SPIRE2: variants seen among roughly 807,000 people sequenced by gnomAD.
SPIRE2 encodes the protein protein spire homolog 2.
Under a neutral mutation model 80.7 loss-of-function variants are expected in SPIRE2, and 76 were observed. The observed-to-expected ratio is 0.94, with a 90% CI of 0.78 to 1.14. The LOEUF is 1.14. SPIRE2 is among the 50% of genes most tolerant of loss of function. The pLI is 0.00. For missense variants in SPIRE2, 1,196 were observed against 1,015.3 expected (o/e 1.18, Z -2.42); for synonymous variants, 535 against 432.6 (o/e 1.24, Z -2.94).
intron 1 of SPIRE2, among the ~76,000 whole-genome samples, chr16:89,841,371 G>C (rs959682947): frequency 1.3e-5 from 2 of 152,096 alleles, no homozygotes; most frequent in Admixed American, 6.6e-5. Flanking sequence ...TACTGCCTCC[G>C]TCTGCTCTAC....
chr16:89,843,680 TGTTTGTTTTTGTTTTTTG>T (rs1567671335), intron 1 of SPIRE2, among the ~76,000 whole-genome samples: 51 of 22,776 alleles, frequency 2.2e-3, no homozygotes, highest in Non-Finnish European at 2.8e-3. Flanking sequence ...TTTTTTTTTT[TGTTTGTTTTTGTTTTTTG>T]TTTTTTTTTT....
Position 89,840,523 on chromosome 16 carries a change from C to T in SPIRE2, c.245-4799C>T, listed in dbSNP as rs527928994. The stretch of plus-strand genomic sequence containing the variant: ...CTCGGCCTCCCAAAGTGCTGGATTA[C>T]AGGCATGAGCCACCATGTCTGGCCC... On this transcript the variant is annotated intron_variant, in intron 1 of 14. Transcript: ENST00000378247. Among the ~76,000 whole-genome samples the T allele has an allele frequency of 2.7e-3, 401 of 151,146 alleles. 3 individuals are homozygous for T. The highest frequency in any genetic ancestry group is 9.3e-3 in the African/African-American group (382 of 41,100).
At chr16:89,864,910 T>C (rs528535220) in intron 12 of SPIRE2, among the ~76,000 whole-genome samples, 10 of 152,268 alleles carry the variant, frequency 6.6e-5, no homozygotes, top group Middle Eastern at 3.4e-3. Context: ...TTACAATGTA[T>C]TGTGGGTTTT....
intron 1 of SPIRE2, among the ~76,000 whole-genome samples, chr16:89,836,059 C>T (rs1472373512): frequency 6.6e-6 from 1 of 152,078 alleles, no homozygotes; most frequent in Non-Finnish European, 1.5e-5. Flanking sequence ...TCTGTAGTCC[C>T]AGTTGTTTAG....
At chr16:89,832,794 C>T (rs1041687332) in intron 1 of SPIRE2, among the ~76,000 whole-genome samples, 8 of 151,884 alleles carry the variant, frequency 5.3e-5, no homozygotes, top group African/African-American at 1.5e-4. Flanking sequence ...CTCTTGTTTG[C>T]TCCTCTGATG....
chr16:89,858,743 G>A, intron 8 of SPIRE2, among the ~76,000 whole-genome samples: 1 of 152,214 alleles, frequency 6.6e-6, no homozygotes, highest in Non-Finnish European at 1.5e-5. Context: ...TCCTCCCACA[G>A]ACGATGGAAG....
At position 89,863,103 on chromosome 16, in the gene SPIRE2, A is replaced by G. The variant is rs1257391874; in HGVS notation, c.1576-373A>G. On this transcript the variant is annotated intron_variant, in intron 10 of 14. Coordinates refer to ENST00000378247, the MANE Select transcript of SPIRE2 (RefSeq NM_032451.2). This position sits in a 1 kb window ranked among gnomAD's most constrained non-coding sequence, Gnocchi z 4.3. Reference sequence around the variant, plus strand: ...TTGGAGGGTCCTGGACCTTCCAGAAAAGAGGACATCAGCTGCTCAGGGAGG... The same window carrying G: ...TTGGAGGGTCCTGGACCTTCCAGAAGAGAGGACATCAGCTGCTCAGGGAGG... The G allele has an allele frequency of 7.3e-6, 2 of 273,120 alleles. No homozygotes were observed. Among genetic ancestry groups the G allele is most frequent in the Non-Finnish European group, 7.1e-6 (1 of 140,142 alleles). The allele number at this position is 273,120 out of a possible 1,614,324, so 16.9% of individuals were successfully genotyped here.
At chr16:89,856,315 T>C (rs2041691841) in intron 7 of SPIRE2, 79 bp downstream of exon 7, 2 of 1,461,090 alleles carry the variant, frequency 1.4e-6, no homozygotes, top group Non-Finnish European at 9.1e-7. Context: ...AGGTTGCACA[T>C]TGGAAGGTGG....
Position 89,854,374 on chromosome 16 carries a change from T to C in SPIRE2, c.726+8T>C, listed in dbSNP as rs1472534119. On this transcript the variant is annotated splice_region_variant and intron_variant, in intron 4 of 14. Coordinates refer to ENST00000378247, the MANE Select transcript of SPIRE2 (RefSeq NM_032451.2). ...CTGGGTCACACAGACTGGGTAAGGCTCACTCCCACCTGACCGGGCCACTGA... is the reference window on the plus strand; with the variant it reads ...CTGGGTCACACAGACTGGGTAAGGCCCACTCCCACCTGACCGGGCCACTGA... The C allele has an allele frequency of 3.7e-6, 6 of 1,611,976 alleles. No individual in the cohort carries two copies. The African/African-American group carries it at 8.0e-5, about 22-fold the overall frequency.
At chr16:89,849,847 T>G in intron 2 of SPIRE2, 1 of 269,330 alleles carries the variant, frequency 3.7e-6, no homozygotes. Context: ...AAAACTTCTT[T>G]TTTTTTTTGA....
rs996198574 is a variant in SPIRE2, at chr16:89,863,534, G to T, written c.1634G>T (p.Arg545Leu). 2 of 1,613,934 alleles carry T rather than the reference G, an allele frequency of 1.2e-6. No homozygotes were observed. The highest frequency in any genetic ancestry group is 2.7e-5 in the African/African-American group (2 of 74,912). The stretch of plus-strand genomic sequence containing the variant: ...ACTGTGGAAGAGGTGATGGACGTGC[G>T]CCGTGTGCTGGTGAAGGCCGAGATG... ...ALTVEEVMDV[R>L]RVLVKAEMEK... The change falls in exon 11 of 15, where the codon CGC becomes CTC. Residue 545 changes from arginine to leucine, a missense_variant. Arg to Leu is a moderately radical substitution (Grantham distance 102, BLOSUM62 -2). Coordinates refer to ENST00000378247, the MANE Select transcript of SPIRE2 (RefSeq NM_032451.2). The surrounding 1 kb of genome is among the most constrained non-coding windows in gnomAD (Gnocchi z 4.3).
chr16:89,854,784 G>C, intron 5 of SPIRE2, 133 bp downstream of exon 5: 1 of 933,082 alleles, frequency 1.1e-6, no homozygotes, highest in Non-Finnish European at 1.6e-6. Context: ...TCTGTGCTGG[G>C]TACTGGGTCA....
chr16:89,853,986 C>T (rs989844357), intron 3 of SPIRE2, among the ~76,000 whole-genome samples: 1 of 152,246 alleles, frequency 6.6e-6, no homozygotes, highest in Non-Finnish European at 1.5e-5. Context: ...AGCGTAAAGG[C>T]CTGGCTGGGA....
At chr16:89,854,402 C>A (rs747332025) in intron 4 of SPIRE2, 36 bp downstream of exon 4, 11 of 1,610,342 alleles carry the variant, frequency 6.8e-6, no homozygotes, top group Non-Finnish European at 8.5e-6. Context: ...GCCACTGACG[C>A]GGCCCAGCCT....
Position 89,828,989 on chromosome 16 carries a change from C to T in SPIRE2, c.244+195C>T, listed in dbSNP as rs559947206. ...TCTCTCTTTCCTCCCTCCTTCTCTC[C>T]CTCCTTCCTCTCCCTCCCCGGCCCT... On this transcript the variant is annotated intron_variant, in intron 1 of 14. Transcript: ENST00000378247. The surrounding 1 kb of genome is among the most constrained non-coding windows in gnomAD (Gnocchi z 5.9). Among the ~76,000 whole-genome samples, 1 of 152,312 alleles carries T rather than the reference C, an allele frequency of 6.6e-6. No individual in the cohort carries two copies. The highest frequency in any genetic ancestry group is 6.5e-5 in the Admixed American group (1 of 15,298).
Position 89,856,191 on chromosome 16 carries a change from G to T in SPIRE2, c.1057G>T (p.Glu353Ter), listed in dbSNP as rs777732250. 1 of 1,604,940 alleles carries T rather than the reference G, an allele frequency of 6.2e-7. No homozygotes were observed. The highest frequency in any genetic ancestry group is 2.2e-5 in the East Asian group (1 of 44,578). Residue 353 changes from glutamate to a stop codon, truncating the protein, a stop_gained, in exon 7 of 15, where the codon GAG (glutamate) becomes TAG (stop). Transcript: ENST00000378247. LOFTEE classifies it high-confidence loss of function. ...GAAGATCCTGGAGGAGATCAAGCAG[G>T]AGCGGAGGCTGCGCCCGGTGCGGGG... ...HEKILEEIKQ[E>*]RRLRPVRGEG...
chr16:89,860,890 C>A, intron 10 of SPIRE2, 95 bp downstream of exon 10: 1 of 761,916 alleles, frequency 1.3e-6, no homozygotes, highest in Non-Finnish European at 2.0e-6. Context: ...TGGGTCTGAG[C>A]ACCTGTCTGG....
intron 12 of SPIRE2, 115 bp from the exon 13 acceptor site, chr16:89,868,074 G>A (rs951766495): frequency 6.1e-6 from 7 of 1,140,086 alleles, no homozygotes; most frequent in Non-Finnish European, 9.3e-6. Context: ...CCAAGCATCA[G>A]GCAGAAGGCA....
Position 89,854,627 on chromosome 16 carries a change from G to T in SPIRE2, c.867G>T (p.Arg289=), listed in dbSNP as rs1335323868. ...TGCTGATGCAGGACATCCGGGCCCG[G>T]AACTACAAGCTGCGCAAGGTCATGG... ...FEMLMQDIRA[R]NYKLRKVMVD... is the part of the protein sequence containing the mutation. The change falls in exon 5 of 15, where the codon CGG becomes CGT. Residue 289 remains arginine, a synonymous_variant. Coordinates refer to ENST00000378247, the MANE Select transcript of SPIRE2 (RefSeq NM_032451.2). 1 of 1,612,700 alleles carries T rather than the reference G, an allele frequency of 6.2e-7. No individual in the cohort carries two copies.
Sources: allele counts gnomAD v4.1 joint callset (sites outside exome capture counted in the v4.1 genomes callset), GRCh38; gene constraint gnomAD v4.1.1; non-coding constraint Gnocchi (gnomAD v3.1); transcripts MANE v1.5; gene names NCBI Gene and HGNC (gene_info 2026-07-23, HGNC 2026-07-21).